Variants in PDCD4 observed in about 807,000 individuals in gnomAD.
The protein encoded by PDCD4 is programmed cell death 4.
Under a neutral mutation model 54.0 loss-of-function variants are expected in PDCD4, and 56 were observed. That is an observed-to-expected ratio of 1.04 (90% CI 0.84 to 1.30). The LOEUF is 1.30. Among genes scored for constraint, PDCD4 ranks in the 50% most tolerant of loss-of-function variants. The probability of loss-of-function intolerance (pLI) is 0.00; values close to 1 mark genes in which losing one functional copy is unlikely to be tolerated. For missense variants in PDCD4, 584 were observed against 559.8 expected (o/e 1.04, Z -0.44); for synonymous variants, 186 against 194.8 (o/e 0.95, Z 0.37).
intron 6 of PDCD4, among the ~76,000 whole-genome samples, chr10:110,888,249 A>G (rs768274409): frequency 7.9e-5 from 12 of 152,152 alleles, no homozygotes; most frequent in Non-Finnish European, 1.8e-4. Context: ...GTTTATTATA[A>G]GAAGTCATAA....
intron 2 of PDCD4, among the ~76,000 whole-genome samples, chr10:110,878,040 T>C (rs1845533826): frequency 1.3e-5 from 2 of 152,278 alleles, no homozygotes; most frequent in South Asian, 4.1e-4. Context: ...ATTGGAGTGG[T>C]TACTATTGAG....
Position 110,885,290 on chromosome 10 carries a change from A to G in PDCD4, c.479A>G (p.Asp160Gly), listed in dbSNP as rs769434043. 1.3e-6 allele frequency: 2 copies of G among 1,595,790 alleles called. No homozygotes were observed. The highest frequency in any genetic ancestry group is 1.1e-5 in the South Asian group (1 of 90,168). The change falls in exon 5 of 12, where the codon GAT becomes GGT. Residue 160 changes from aspartate to glycine, a missense_variant. Asp to Gly is a moderately conservative substitution (Grantham distance 94, BLOSUM62 -1). Coordinates refer to ENST00000280154, the MANE Select transcript of PDCD4 (RefSeq NM_014456.5). ...TATGAAACTGTAGTTTTGCCTTTGG[A>G]TGAAAGGGCATTTGAGAAGACTTTA... ...CVYETVVLPL[D>G]ERAFEKTLTP... is the part of the protein sequence containing the mutation.
chr10:110,887,399 G>A (rs1845684502), intron 5 of PDCD4, among the ~76,000 whole-genome samples: 1 of 152,164 alleles, frequency 6.6e-6, no homozygotes, highest in African/African-American at 2.4e-5. Flanking sequence ...CGTGACCCAT[G>A]ACAGTATTTT....
intron 6 of PDCD4, 101 bp from the exon 7 acceptor site, chr10:110,889,426 ACTGACT>A: frequency 2.8e-6 from 2 of 726,052 alleles, no homozygotes; most frequent in Non-Finnish European, 4.8e-6. Context: ...TCTTTTAGGT[ACTGACT>A]GTGTACTTCA....
At chr10:110,876,105 G>A (rs1490982528) in intron 2 of PDCD4, 35 bp downstream of exon 2, 11 of 1,553,470 alleles carry the variant, frequency 7.1e-6, no homozygotes, top group African/African-American at 2.7e-5. Flanking sequence ...TTTTTTCTTC[G>A]TTTTGAGACA....
chr10:110,896,127 G>A, intron 11 of PDCD4, 40 bp downstream of exon 11: 1 of 1,457,746 alleles, frequency 6.9e-7, no homozygotes, highest in South Asian at 1.2e-5. Flanking sequence ...GTAAAATAGT[G>A]GATGAGATCT....
At position 110,894,719 on chromosome 10, in the gene PDCD4, GTT is replaced by G. The variant is rs200913544; in HGVS notation, c.1209+213_1209+214del. Among the ~76,000 whole-genome samples the G allele has an allele frequency of 3.7e-3, 465 of 127,366 alleles. 5 individuals carry two copies. The highest frequency in any genetic ancestry group is 0.012 in the African/African-American group (430 of 35,656). The allele number at this position is 127,366 out of a possible 152,430, so 83.6% of individuals were successfully genotyped here. On this transcript the variant is annotated intron_variant, in intron 10 of 11. Transcript: ENST00000280154. ...ATTTTTTGGAAAGTAACACTGCAGT[GTT>G]TTTTTTTTTTTTTTTACCTACTTTA...
intron 7 of PDCD4, 152 bp from the exon 8 acceptor site, chr10:110,890,404 C>T: frequency 4.5e-6 from 2 of 448,714 alleles, no homozygotes; most frequent in South Asian, 6.1e-5. Context: ...CTTTTTGCTC[C>T]TTTTTGTTTT....
intron 5 of PDCD4, among the ~76,000 whole-genome samples, chr10:110,886,876 T>C (rs1010664129): frequency 6.6e-6 from 1 of 152,150 alleles, no homozygotes; most frequent in African/African-American, 2.4e-5. Context: ...AAAACAGTTG[T>C]TTAAGATCTC....
At chr10:110,888,258 A>G (rs552164075) in intron 6 of PDCD4, among the ~76,000 whole-genome samples, 4 of 152,264 alleles carry the variant, frequency 2.6e-5, no homozygotes, top group African/African-American at 9.6e-5. Context: ...AAGAAGTCAT[A>G]AATAAGACTC....
chr10:110,890,697 T>C (rs1395073400), intron 8 of PDCD4, 27 bp downstream of exon 8: 1 of 1,405,590 alleles, frequency 7.1e-7, no homozygotes. Context: ...GTTTTTAACT[T>C]AATTTATATG....
intron 2 of PDCD4, among the ~76,000 whole-genome samples, chr10:110,879,652 CAAA>C (rs527490449): frequency 1.9e-4 from 16 of 84,322 alleles, no homozygotes; most frequent in African/African-American, 4.3e-4. Flanking sequence ...CACGCTGTCT[CAAA>C]AAAAAAAAAA....
In PDCD4 at chr10:110,898,265, T is replaced by C; in HGVS notation, c.*177T>C. On this transcript the variant is annotated 3_prime_UTR_variant, in exon 12 of 12. Coordinates refer to ENST00000280154, the MANE Select transcript of PDCD4 (RefSeq NM_014456.5). ...TTTTAAAGGAAATGTTTTTTCTTTT[T>C]TTTTTGTTTTTCGAGGGGGCAAGGA... 2.5e-6 allele frequency: 1 copy of C among 402,310 alleles called. No individual in the cohort carries two copies. Among genetic ancestry groups the C allele is most frequent in the Non-Finnish European group, 4.3e-6 (1 of 231,642 alleles). The allele number at this position is 402,310 out of a possible 1,614,324, so 24.9% of individuals were successfully genotyped here.
rs748515325 is a variant in PDCD4 at position 110,881,265 on chromosome 10, G to T, written c.76G>T (p.Gly26Cys). Reference sequence around the variant, plus strand: ...TAACTTAAGTGACTCTCTCTTTTCCGGTGATGAAGAAAATGCTGGGACTGA... The same window carrying T: ...TAACTTAAGTGACTCTCTCTTTTCCTGTGATGAAGAAAATGCTGGGACTGA... ...PDNLSDSLFS[G>C]DEENAGTEEI... Residue 26 changes from glycine (G) to cysteine (C), a missense_variant, in exon 3 of 12, where the codon GGT (glycine) becomes TGT (cysteine). Gly to Cys is a radical substitution (Grantham distance 159). Transcript: ENST00000280154. The T allele has an allele frequency of 6.2e-7, 1 of 1,612,878 alleles. No individual in the cohort carries two copies. Among genetic ancestry groups the T allele is most frequent in the South Asian group, 1.1e-5 (1 of 91,024 alleles).
chr10:110,887,781 T>A lies in PDCD4; in HGVS notation c.672T>A (p.Ser224=). ...SHREMTSKLL[S]DLCGTVMSTT... ...GAGAGATGACATCTAAGCTTCTTTC[T>A]GACCTTTGTGGGACAGTAATGAGCA... Residue 224 remains serine, a synonymous_variant, in exon 6 of 12, where the codon TCT becomes TCA. Coordinates refer to ENST00000280154, the MANE Select transcript of PDCD4 (RefSeq NM_014456.5). 1.9e-6 allele frequency: 3 copies of A among 1,613,720 alleles called. 1 individual carries two copies. The South Asian group carries it at 3.3e-5, about 18-fold the overall frequency.
intron 8 of PDCD4, 65 bp downstream of exon 8, chr10:110,890,735 C>A: frequency 2.1e-6 from 2 of 965,492 alleles, no homozygotes; most frequent in Non-Finnish European, 1.5e-6. Context: ...TAAATTGTGG[C>A]TACTAGCTGG....
In PDCD4 at chr10:110,895,939, T is replaced by C. The variant is rs1845824374; in HGVS notation, c.1210-9T>C. 1 of 1,555,978 alleles carries C rather than the reference T, an allele frequency of 6.4e-7. No homozygotes were observed. Among genetic ancestry groups the C allele is most frequent in the Non-Finnish European group, 8.7e-7 (1 of 1,154,504 alleles). On this transcript the variant is annotated splice_polypyrimidine_tract_variant and intron_variant, in intron 10 of 11. Coordinates refer to ENST00000280154, the MANE Select transcript of PDCD4 (RefSeq NM_014456.5). ...GCTAACAATTCTGCATGTAATTTCA[T>C]TGTTGTAGGGTTATGAGAGAATTTA...
intron 6 of PDCD4, 105 bp from the exon 7 acceptor site, chr10:110,889,428 T>C: frequency 2.7e-6 from 2 of 734,130 alleles, no homozygotes; most frequent in Non-Finnish European, 4.8e-6. Flanking sequence ...TTTTAGGTAC[T>C]GACTGTGTAC....
chr10:110,884,151 T>C (rs1204350286), intron 4 of PDCD4, among the ~76,000 whole-genome samples: 7 of 152,230 alleles, frequency 4.6e-5, no homozygotes, highest in Non-Finnish European at 1.0e-4. Context: ...TCTCCTGCTG[T>C]CCAGCTTCAT....
Sources: gnomAD v4.1 joint callset for allele counts (sites outside exome capture counted in the v4.1 genomes callset) on GRCh38, gnomAD v4.1.1 for gene constraint, MANE v1.5 for transcripts, NCBI Gene and HGNC (gene_info 2026-07-23, HGNC 2026-07-21) for gene names.